Variants in DENND2B observed in about 807,000 individuals in gnomAD.
DENND2B encodes DENN domain-containing protein 2B.
DENND2B carries 32 observed loss-of-function variants against 116.0 expected under a neutral mutation model. That is an observed-to-expected ratio of 0.28 (90% CI 0.21 to 0.37). The LOEUF is 0.37. DENND2B is among the 10% of genes least tolerant of loss of function. The probability of loss-of-function intolerance (pLI) is 1.00; values close to 1 mark genes in which losing one functional copy is unlikely to be tolerated. For missense variants in DENND2B, 1,276 were observed against 1,477.7 expected, an observed-to-expected ratio of 0.86 and a Z score of 2.24; for synonymous variants, 588 against 583.9, an observed-to-expected ratio of 1.01 and a Z score of -0.10.
In DENND2B at chr11:8,853,592, G is replaced by A. The variant is rs574673663; in HGVS notation, c.-156+3751C>T. ...GCATCCTGAATGGACTAAGACTATGGGGAAATCTGAATATGGTCTGAGTAT... is the reference window on the plus strand; with the variant it reads ...GCATCCTGAATGGACTAAGACTATGAGGAAATCTGAATATGGTCTGAGTAT... On this transcript the variant is annotated intron_variant, in intron 3 of 6. Transcript: ENST00000524757. Among the ~76,000 whole-genome samples, 7 of 152,174 alleles carry A rather than the reference G, an allele frequency of 4.6e-5. No homozygotes were observed. The South Asian group carries it at 1.2e-3, about 27-fold the overall frequency.
chr11:8,851,279 C>A (rs1437529632), intron 3 of DENND2B, among the ~76,000 whole-genome samples: 1 of 151,614 alleles, frequency 6.6e-6, no homozygotes, highest in South Asian at 2.1e-4. Flanking sequence ...ATCAAAACAG[C>A]ACATTGTACA....
chr11:8,730,547 G>C lies in DENND2B; in HGVS notation c.743C>G (p.Pro248Arg). 1 of 1,613,218 alleles carries C rather than the reference G, an allele frequency of 6.2e-7. No homozygotes were observed. Among genetic ancestry groups the C allele is most frequent in the Non-Finnish European group, 8.5e-7 (1 of 1,180,028 alleles). Residue 248 changes from proline to arginine, a missense_variant, in exon 3 of 20, where the codon CCT (proline) becomes CGT (arginine). Transcript: ENST00000313726. The surrounding 1 kb of genome is among the most constrained non-coding windows in gnomAD (Gnocchi z 4.1). ...CAGCCGGTAGAAAGAGTCCCGGACA[G>C]GGAGCGCCTCTCCCTCCTCCTCAGT... The part of the protein sequence containing the change: ...PETEEEGEAL[P>R]VRDSFYRLEK...
intron 4 of DENND2B, among the ~76,000 whole-genome samples, chr11:8,836,879 C>A (rs2134601907): frequency 6.6e-6 from 1 of 152,302 alleles, no homozygotes; most frequent in African/African-American, 2.4e-5. Context: ...CCACACCTGG[C>A]TAATTTTCGT....
At chr11:8,869,052 T>C (rs1222933750) in intron 2 of DENND2B, among the ~76,000 whole-genome samples, 3 of 152,220 alleles carry the variant, frequency 2.0e-5, no homozygotes, top group Admixed American at 2.0e-4. Flanking sequence ...CCCAGGCGAT[T>C]CTTCTTCCAG....
chr11:8,859,994 A>G (rs969624368), intron 2 of DENND2B, among the ~76,000 whole-genome samples: 1 of 152,180 alleles, frequency 6.6e-6, no homozygotes, highest in African/African-American at 2.4e-5. Flanking sequence ...AAGCCTAAAC[A>G]ATGAAGCCAA....
intron 1 of DENND2B, among the ~76,000 whole-genome samples, chr11:8,751,027 T>C (rs59314560): frequency 0.019 from 2,829 of 152,028 alleles, 89 homozygotes; most frequent in African/African-American, 0.065. Context: ...GGTTTGTGGA[T>C]GCACCAATCG....
At chr11:8,796,496 G>T (rs1176341199) in intron 1 of DENND2B, among the ~76,000 whole-genome samples, 1 of 152,196 alleles carries the variant, frequency 6.6e-6, no homozygotes. Flanking sequence ...CCAAGACCAT[G>T]CCACTGCACT....
At chr11:8,760,063 G>T (rs1467968414) in intron 1 of DENND2B, among the ~76,000 whole-genome samples, 1 of 152,156 alleles carries the variant, frequency 6.6e-6, no homozygotes, top group Non-Finnish European at 1.5e-5. Flanking sequence ...CTGCTTCCTA[G>T]AAAGAGCTAA....
intron 2 of DENND2B, among the ~76,000 whole-genome samples, chr11:8,748,111 G>T (rs2051622243): frequency 6.6e-6 from 1 of 152,192 alleles, no homozygotes; most frequent in Middle Eastern, 3.4e-3. Flanking sequence ...GGATGATGTG[G>T]AAGTCCCCGA....
At chr11:8,895,077 G>T (rs1413476996) in intron 1 of DENND2B, among the ~76,000 whole-genome samples, 10 of 152,112 alleles carry the variant, frequency 6.6e-5, no homozygotes, top group Non-Finnish European at 1.5e-4. Flanking sequence ...CCATAAAAAA[G>T]GATGAGTTCA....
At chr11:8,870,524 T>TGC (rs879620251) in intron 2 of DENND2B, among the ~76,000 whole-genome samples, 27 of 114,538 alleles carry the variant, frequency 2.4e-4, no homozygotes, top group East Asian at 5.5e-4. Context: ...TGTGTGTGTG[T>TGC]GCGCGCGCGC....
intron 1 of DENND2B, among the ~76,000 whole-genome samples, chr11:8,757,533 C>T (rs1338133546): frequency 1.3e-5 from 2 of 152,200 alleles, no homozygotes; most frequent in Non-Finnish European, 2.9e-5. Flanking sequence ...AAGCTTTAAT[C>T]TGTTACCCAC....
In DENND2B at chr11:8,730,718, G is replaced by C; in HGVS notation, c.572C>G (p.Ser191Cys). 1.6e-5 allele frequency: 25 copies of C among 1,612,218 alleles called. No homozygotes were observed. Among genetic ancestry groups the C allele is most frequent in the Non-Finnish European group, 2.1e-5 (25 of 1,179,880 alleles). The change falls in exon 3 of 20, where the codon TCT becomes TGT. Residue 191 changes from serine (S) to cysteine (C), a missense_variant. Coordinates refer to ENST00000313726, the MANE Select transcript of DENND2B (RefSeq NM_213618.2). The surrounding 1 kb of genome is among the most constrained non-coding windows in gnomAD (Gnocchi z 4.1). ...MSMCGEKREG[S>C]GSEWAASEGC... ...CTCACTGGCCGCCCACTCGCTCCCAGAGCCCTCCCGCTTCTCTCCACACAT... is the reference window on the plus strand; with the variant it reads ...CTCACTGGCCGCCCACTCGCTCCCACAGCCCTCCCGCTTCTCTCCACACAT...
intron 18 of DENND2B, 168 bp from the exon 19 acceptor site, chr11:8,695,717 G>A: frequency 4.8e-6 from 3 of 619,718 alleles, no homozygotes; most frequent in Non-Finnish European, 5.6e-6. Flanking sequence ...GCTCATCAAG[G>A]CGATCATTAG....
intron 2 of DENND2B, among the ~76,000 whole-genome samples, chr11:8,878,455 T>C (rs1322382090): frequency 6.6e-6 from 1 of 151,748 alleles, no homozygotes; most frequent in African/African-American, 2.4e-5. Context: ...AATGGCGCGA[T>C]CTCAGCTCAC....
intron 4 of DENND2B, among the ~76,000 whole-genome samples, chr11:8,818,536 C>T (rs11042085): frequency 0.68 from 102,688 of 151,768 alleles, 36,747 homozygotes; most frequent in Admixed American, 0.8. Context: ...CCAGACTGTG[C>T]CAACCTCCTC....
rs1331108194 is a variant in DENND2B at position 8,810,543 on chromosome 11, A to G, written c.-52T>C. The G allele has an allele frequency of 6.6e-6, 1 of 152,030 alleles. No individual in the cohort carries two copies. Among genetic ancestry groups the G allele is most frequent in the Admixed American group, 6.6e-5 (1 of 15,258 alleles). 9.4% of individuals were successfully genotyped at this position (152,030 alleles called of 1,614,324 possible). A position where few individuals can be genotyped will look rare whatever the true frequency, so the allele number is the denominator to read the frequency against. ...TGAAAGTCCCGCTGCTTTCCTGCCC[A>G]CTCCATTCTCACACCGCAGCCGGCT... On this transcript the variant is annotated 5_prime_UTR_variant, in exon 1 of 20. Transcript: ENST00000313726.
chr11:8,777,500 G>C (rs1180707421), intron 1 of DENND2B, among the ~76,000 whole-genome samples: 3 of 152,214 alleles, frequency 2.0e-5, no homozygotes, highest in African/African-American at 7.2e-5. Flanking sequence ...GGTACCTCCT[G>C]TTGGACATTC....
At chr11:8,793,293 A>T (rs1188551852) in intron 1 of DENND2B, among the ~76,000 whole-genome samples, 1 of 152,088 alleles carries the variant, frequency 6.6e-6, no homozygotes, top group Non-Finnish European at 1.5e-5. Flanking sequence ...TATTTCCCAA[A>T]CTTCTCCAAA....
Sources: gnomAD v4.1 joint callset for allele counts (sites outside exome capture counted in the v4.1 genomes callset) on GRCh38, gnomAD v4.1.1 for gene constraint, Gnocchi (gnomAD v3.1) non-coding constraint, MANE v1.5 for transcripts, NCBI Gene and HGNC (gene_info 2026-07-23, HGNC 2026-07-21) for gene names.